ENKD1: variants seen among roughly 807,000 people sequenced by gnomAD.
ENKD1 encodes the protein enkurin domain containing 1.
Under a neutral mutation model 35.8 loss-of-function variants are expected in ENKD1, and 39 were observed. That is an observed-to-expected ratio of 1.09 (90% CI 0.84 to 1.42). ENKD1 has a LOEUF of 1.42. Among genes scored for constraint, ENKD1 ranks in the 40% most tolerant of loss-of-function variants. The pLI, the probability that ENKD1 is intolerant of heterozygous loss-of-function variation, is 0.00. For missense variants in ENKD1, 474 were observed against 471.3 expected (o/e 1.01, Z -0.05); for synonymous variants, 205 against 198.6 (o/e 1.03, Z -0.27).
rs1299071049 is a variant in ENKD1, at chr16:67,663,171, A to G, written c.1031T>C (p.Met344Thr). ...GTCCCCCAAAGGGGCTCAGTCGTCC[A>G]TCTTCACGAAGACTTTGGGCCGAGA... ...IFSRPKVFVK[M>T]DD is the part of the protein sequence containing the mutation. Residue 344 changes from methionine to threonine, a missense_variant, in exon 7 of 7, where the codon ATG becomes ACG. Met to Thr is a moderately conservative substitution (Grantham distance 81). Coordinates refer to ENST00000243878, the MANE Select transcript of ENKD1 (RefSeq NM_032140.3). 4 of 1,614,012 alleles carry G rather than the reference A, an allele frequency of 2.5e-6. No individual in the cohort carries two copies. Among genetic ancestry groups the G allele is most frequent in the Middle Eastern group, 3.3e-4 (2 of 6,062 alleles).
intron 3 of ENKD1, 77 bp from the exon 4 acceptor site, chr16:67,664,139 G>A: frequency 7.3e-7 from 1 of 1,377,570 alleles, no homozygotes; most frequent in Non-Finnish European, 1.0e-6. Flanking sequence ...GGCCATCTTG[G>A]CCCTTCTGAC....
In ENKD1 at chr16:67,663,055, G is replaced by A. The variant is rs2053051894; in HGVS notation, c.*106C>T. 3 of 1,400,584 alleles carry A rather than the reference G, an allele frequency of 2.1e-6. No individual in the cohort carries two copies. In the South Asian group the frequency reaches 4.0e-5, roughly 19 times the overall value. The allele number at this position is 1,400,584 out of a possible 1,614,324, so 86.8% of individuals were successfully genotyped here. On this transcript the variant is annotated 3_prime_UTR_variant, in exon 7 of 7. Coordinates refer to ENST00000243878, the MANE Select transcript of ENKD1 (RefSeq NM_032140.3). Reference sequence around the variant, plus strand: ...CTCTAGGGACACTGGCCACCCCCCTGCTCCTGTCTTCAGACCTCTGCTCTG... The same window carrying A: ...CTCTAGGGACACTGGCCACCCCCCTACTCCTGTCTTCAGACCTCTGCTCTG...
Position 67,666,494 on chromosome 16 carries a change from C to A in ENKD1, c.-52G>T. The A allele has an allele frequency of 7.2e-7, 1 of 1,388,132 alleles. No individual in the cohort carries two copies. The allele number at this position is 1,388,132 out of a possible 1,614,324, so 86.0% of individuals were successfully genotyped here. On this transcript the variant is annotated 5_prime_UTR_variant, in exon 1 of 7. It adds an upstream start codon to the 5' untranslated region. Transcript: ENST00000243878. Reference sequence around the variant, plus strand: ...CCCCGAGGCCTGCAGGGCTGTTTACCTCCCTCCCCGGGCCCCCTTCCCCAA... The same window carrying A: ...CCCCGAGGCCTGCAGGGCTGTTTACATCCCTCCCCGGGCCCCCTTCCCCAA...
chr16:67,666,409 TG>T lies in ENKD1; in HGVS notation c.33del (p.Ile12SerfsTer27). 6.4e-7 allele frequency: 1 copy of T among 1,557,104 alleles called. No homozygotes were observed. The highest frequency in any genetic ancestry group is 8.6e-7 in the Non-Finnish European group (1 of 1,160,162). Reference protein sequence around the residue: MCEGPSRISGPIPPDPTLCPD... With the variant: MCEGPSRISGXIPPDPTLCPD... Reference sequence around the variant, plus strand: ...GGACAGAGCGTCGGGTCTGGGGGGATGGGCCCCGAGATGCGGGACGGGCCCT... The same window carrying T: ...GGACAGAGCGTCGGGTCTGGGGGGATGGCCCCGAGATGCGGGACGGGCCCT... On this transcript the variant is annotated frameshift_variant, in exon 1 of 7. Transcript: ENST00000243878. LOFTEE classifies it high-confidence loss of function.
chr16:67,665,951 G>T, intron 2 of ENKD1, 120 bp downstream of exon 2: 1 of 1,098,514 alleles, frequency 9.1e-7, no homozygotes, highest in Non-Finnish European at 1.3e-6. Context: ...TATAGTTGGG[G>T]AAACTGAGAC....
In ENKD1 at chr16:67,666,158, C is replaced by A; in HGVS notation, c.193G>T (p.Glu65Ter). 6.2e-7 allele frequency: 1 copy of A among 1,612,754 alleles called. No homozygotes were observed. The highest frequency in any genetic ancestry group is 8.5e-7 in the Non-Finnish European group (1 of 1,179,950). The stretch of plus-strand genomic sequence containing the variant: ...CCGCGCTGGCCGCGCTCCAGGATCT[C>A]TCCGGCACCGGGACCGATGCAGGGG... The part of the protein sequence containing the change: ...RGPCIGPGAG[E>*]ILERGQRGVG... Residue 65 changes from glutamate to a stop codon, truncating the protein, a stop_gained, in exon 2 of 7, where the codon GAG (glutamate) becomes TAG (stop). Coordinates refer to ENST00000243878, the MANE Select transcript of ENKD1 (RefSeq NM_032140.3). LOFTEE classifies it high-confidence loss of function.
chr16:67,666,149 C>A lies in ENKD1; in HGVS notation c.202G>T (p.Glu68Ter). Residue 68 changes from glutamate (E) to a stop codon, truncating the protein, a stop_gained, in exon 2 of 7, where the codon GAG becomes TAG. Coordinates refer to ENST00000243878, the MANE Select transcript of ENKD1 (RefSeq NM_032140.3). LOFTEE classifies it high-confidence loss of function. ...CIGPGAGEIL[E>*]RGQRGVGDVL... is the part of the protein sequence containing the mutation. ...TCCCCGACGCCGCGCTGGCCGCGCT[C>A]CAGGATCTCTCCGGCACCGGGACCG... The A allele has an allele frequency of 6.2e-7, 1 of 1,612,822 alleles. No individual in the cohort carries two copies. The highest frequency in any genetic ancestry group is 1.1e-5 in the South Asian group (1 of 91,086).
In ENKD1 at chr16:67,664,878, G is replaced by T. The variant is rs1440191540; in HGVS notation, c.453+118C>A. The T allele has an allele frequency of 3.8e-6, 5 of 1,308,382 alleles. No homozygotes were observed. In the East Asian group the frequency reaches 1.2e-4, roughly 33 times the overall value. 81.0% of individuals were successfully genotyped at this position (1,308,382 alleles called of 1,614,324 possible). A position where few individuals can be genotyped will look rare whatever the true frequency, so the allele number is the denominator to read the frequency against. On this transcript the variant is annotated intron_variant, in intron 3 of 6. Coordinates refer to ENST00000243878, the MANE Select transcript of ENKD1 (RefSeq NM_032140.3). ...CAGCCTCGCCCTGCAGCAGAGCCAG[G>T]GTCTCTTAGTCCTCTGTTACCTCTG...
Position 67,663,448 on chromosome 16 carries a change from C to A in ENKD1, c.852G>T (p.Arg284=), listed in dbSNP as rs111825527. The change falls in exon 6 of 7, where the codon CGG becomes CGT. Residue 284 remains arginine (R), a synonymous_variant. Transcript: ENST00000243878. ...GGAGCAGCTTGGTCAGTGTTTCCAG[C>A]CGCTGGTTCTCAGGCATGCGCGTGT... ...PGHTRMPENQ[R]LETLTKLLQS... 1 of 1,613,330 alleles carries A rather than the reference C, an allele frequency of 6.2e-7. No homozygotes were observed. Among genetic ancestry groups the A allele is most frequent in the Non-Finnish European group, 8.5e-7 (1 of 1,179,920 alleles).
At position 67,663,152 on chromosome 16, in the gene ENKD1, C is replaced by T. The variant is rs2053052876; in HGVS notation, c.*9G>A. ...CATGGAGCTCCTTGCCACTGTCCCC[C>T]AAAGGGGCTCAGTCGTCCATCTTCA... On this transcript the variant is annotated 3_prime_UTR_variant, in exon 7 of 7. Transcript: ENST00000243878. 1 of 1,613,764 alleles carries T rather than the reference C, an allele frequency of 6.2e-7. No individual in the cohort carries two copies. The highest frequency in any genetic ancestry group is 8.5e-7 in the Non-Finnish European group (1 of 1,179,944).
intron 2 of ENKD1, 139 bp from the exon 3 acceptor site, chr16:67,665,307 C>T (rs1314016956): frequency 1.2e-5 from 9 of 746,434 alleles, no homozygotes; most frequent in Middle Eastern, 3.8e-4. Context: ...ACCCTACACA[C>T]ACTCTCCCTC....
In ENKD1 at chr16:67,666,347, C is replaced by G; in HGVS notation, c.85+11G>C. 6.3e-7 allele frequency: 1 copy of G among 1,581,106 alleles called. No homozygotes were observed. Among genetic ancestry groups the G allele is most frequent in the Non-Finnish European group, 8.5e-7 (1 of 1,169,700 alleles). ...CTGAGCCTCGCACCACCGCCAAGCC[C>G]CCGGACTCACCCGAGGTCGGCCGCC... is the stretch of plus-strand genomic sequence containing the variant. On this transcript the variant is annotated intron_variant, in intron 1 of 6. Transcript: ENST00000243878.
In ENKD1 at chr16:67,663,771, T is replaced by C. The variant is rs2053063717; in HGVS notation, c.629A>G (p.Lys210Arg). Residue 210 changes from lysine to arginine, a missense_variant, in exon 5 of 7, where the codon AAG (lysine) becomes AGG (arginine). Lys to Arg is a conservative substitution (Grantham distance 26). Coordinates refer to ENST00000243878, the MANE Select transcript of ENKD1 (RefSeq NM_032140.3). ...DFIRHNARAA[K>R]RAPRRHSCSL... Reference sequence around the variant, plus strand: ...GCAGGAATGCCTCCGGGGGGCTCTCTTGGCAGCTCGTGCATTGTGACGAAT... The same window carrying C: ...GCAGGAATGCCTCCGGGGGGCTCTCCTGGCAGCTCGTGCATTGTGACGAAT... The C allele has an allele frequency of 6.2e-7, 1 of 1,610,648 alleles. No homozygotes were observed. The highest frequency in any genetic ancestry group is 1.3e-5 in the African/African-American group (1 of 75,006).
intron 2 of ENKD1, 131 bp downstream of exon 2, chr16:67,665,940 T>G: frequency 1.0e-6 from 1 of 985,346 alleles, no homozygotes; most frequent in Non-Finnish European, 1.5e-6. Flanking sequence ...TCTCCCCCTT[T>G]TATAGTTGGG....
intron 6 of ENKD1, 46 bp downstream of exon 6, chr16:67,663,374 G>T: frequency 6.2e-7 from 1 of 1,611,370 alleles, no homozygotes; most frequent in Non-Finnish European, 8.5e-7. Flanking sequence ...AGGGGTGCCC[G>T]GTCCCCAGTG....
rs747782761 is a variant in ENKD1 at position 67,663,691 on chromosome 16, A to C, written c.709T>G (p.Tyr237Asp). 3.7e-5 allele frequency: 60 copies of C among 1,613,072 alleles called. No homozygotes were observed. The highest frequency in any genetic ancestry group is 1.0e-4 in the Admixed American group (6 of 59,930). The stretch of plus-strand genomic sequence containing the variant: ...ACATGGCCCTTCTGCGTGGCATTGT[A>C]GTGCTCCTGGGCCTGCCGCTGCTGC... ...LEQQRQAQEHYNATQKGHVPH... is the reference protein window; with the variant it reads ...LEQQRQAQEHDNATQKGHVPH... The change falls in exon 5 of 7, where the codon TAC (tyrosine) becomes GAC (aspartate). Residue 237 changes from tyrosine to aspartate, a missense_variant. Coordinates refer to ENST00000243878, the MANE Select transcript of ENKD1 (RefSeq NM_032140.3).
In ENKD1 at chr16:67,666,547, C is replaced by A. The variant is rs2053106975; in HGVS notation, c.-105G>T. 8.9e-7 allele frequency: 1 copy of A among 1,129,178 alleles called. No homozygotes were observed. Among genetic ancestry groups the A allele is most frequent in the African/African-American group, 1.7e-5 (1 of 60,238 alleles). The allele number at this position is 1,129,178 out of a possible 1,614,324, so 69.9% of individuals were successfully genotyped here. ...CCGGGCCCCCTCCCTCGCCCGGCAC[C>A]CTGACCCTGGCGTGCCCGCCACTCC... On this transcript the variant is annotated 5_prime_UTR_variant, in exon 1 of 7. Transcript: ENST00000243878.
Position 67,663,437 on chromosome 16 carries a change from AGT to A in ENKD1, c.861_862del (p.Leu288AspfsTer13). 1 of 1,613,248 alleles carries A rather than the reference AGT, an allele frequency of 6.2e-7. No homozygotes were observed. Among genetic ancestry groups the A allele is most frequent in the Non-Finnish European group, 8.5e-7 (1 of 1,179,896 alleles). ...GTACTCACTCTGGAGCAGCTTGGTC[AGT>A]GTTTCCAGCCGCTGGTTCTCAGGCA... is the stretch of plus-strand genomic sequence containing the variant. On this transcript the variant is annotated frameshift_variant, in exon 6 of 7. Transcript: ENST00000243878. LOFTEE classifies it high-confidence loss of function.
chr16:67,665,980 G>C (rs2053095830), intron 2 of ENKD1, 91 bp downstream of exon 2: 6 of 1,383,372 alleles, frequency 4.3e-6, no homozygotes, highest in Non-Finnish European at 6.0e-6. Context: ...TGCAAAGCCT[G>C]GGCCCACGTC....
Sources: gnomAD v4.1 joint callset for allele counts on GRCh38, gnomAD v4.1.1 for gene constraint, MANE v1.5 for transcripts, NCBI Gene and HGNC (gene_info 2026-07-23, HGNC 2026-07-21) for gene names.